The following KCNH7 variants were observed in gnomAD, a reference collection of about 807,000 sequenced individuals.
KCNH7 encodes voltage-gated inwardly rectifying potassium channel KCNH7.
A neutral mutation model predicts 120.8 loss-of-function variants in KCNH7; 49 were observed. The ratio of observed to expected loss-of-function variants is 0.41; its 90% CI spans 0.32 to 0.51. The LOEUF is 0.51. Among genes scored for constraint, KCNH7 ranks in the 20% least tolerant of loss-of-function variants. The pLI is 0.38. For missense variants in KCNH7, 1,097 were observed against 1,446.6 expected (o/e 0.76, Z 3.92); for synonymous variants, 547 against 516.1 (o/e 1.06, Z -0.81).
intron 13 of KCNH7, 85 bp downstream of exon 13, chr2:162,384,603 G>T: frequency 8.0e-7 from 1 of 1,246,756 alleles, no homozygotes; most frequent in Non-Finnish European, 1.1e-6. Context: ...ATTAACATGT[G>T]TCAGTACAGT....
chr2:162,691,431 G>C (rs1481285711), intron 2 of KCNH7, among the ~76,000 whole-genome samples: 1 of 152,140 alleles, frequency 6.6e-6, no homozygotes, highest in Non-Finnish European at 1.5e-5. Flanking sequence ...TGATCAAAGA[G>C]ACATTGTTCA....
chr2:162,504,704 A>G, intron 5 of KCNH7, 47 bp from the exon 6 acceptor site: 1 of 1,249,220 alleles, frequency 8.0e-7, no homozygotes. Context: ...GAAGATATAG[A>G]AGAAAGAGAC....
chr2:162,403,348 T>C (rs1009185537), intron 9 of KCNH7, among the ~76,000 whole-genome samples: 1 of 151,984 alleles, frequency 6.6e-6, no homozygotes, highest in African/African-American at 2.4e-5. Context: ...TCCTTGCATC[T>C]CGCTATAATT....
In KCNH7 at chr2:162,794,029, T is replaced by A. The variant is rs115289160; in HGVS notation, c.307+42508A>T. On this transcript the variant is annotated intron_variant, in intron 2 of 15. Transcript: ENST00000332142. ...CACAATGTATACATGTATCAATACA[T>A]CACATCTCACAACTTAAATATATAC... Among the ~76,000 whole-genome samples, 393 of 152,046 alleles carry A rather than the reference T, an allele frequency of 2.6e-3. 2 individuals carry two copies. The highest frequency in any genetic ancestry group is 9.2e-3 in the African/African-American group (381 of 41,514).
At chr2:162,450,364 T>C (rs938805821) in intron 6 of KCNH7, among the ~76,000 whole-genome samples, 2 of 152,080 alleles carry the variant, frequency 1.3e-5, no homozygotes, top group Non-Finnish European at 2.9e-5. Context: ...GACAATGCAT[T>C]TGTAGAAACT....
chr2:162,650,267 T>A (rs1005492038), intron 2 of KCNH7, among the ~76,000 whole-genome samples: 39 of 152,182 alleles, frequency 2.6e-4, no homozygotes, highest in African/African-American at 9.4e-4. Context: ...AGTTACCTCA[T>A]ATGTCAATAA....
intron 3 of KCNH7, chr2:162,527,893 A>G (rs143190765): frequency 6.6e-6 from 1 of 152,028 alleles, no homozygotes; most frequent in Admixed American, 6.6e-5. Context: ...CTAGCTAAAC[A>G]TTCATTAACC....
chr2:162,633,174 T>C (rs1683828065), intron 2 of KCNH7, among the ~76,000 whole-genome samples: 1 of 151,934 alleles, frequency 6.6e-6, no homozygotes, highest in Admixed American at 6.6e-5. Flanking sequence ...TTACTATGTT[T>C]TAGGTAACAC....
chr2:162,822,011 T>C (rs939817296), intron 2 of KCNH7, among the ~76,000 whole-genome samples: 17 of 151,320 alleles, frequency 1.1e-4, no homozygotes, highest in Non-Finnish European at 1.5e-4. Flanking sequence ...ATTTTCAATA[T>C]AGCCACACCT....
intron 2 of KCNH7, among the ~76,000 whole-genome samples, chr2:162,606,171 A>G (rs1682759491): frequency 6.6e-6 from 1 of 152,084 alleles, no homozygotes; most frequent in South Asian, 2.1e-4. Context: ...CTTAAATTCT[A>G]TTGTTAAGAA....
chr2:162,688,688 G>A (rs1470863036), intron 2 of KCNH7, among the ~76,000 whole-genome samples: 1 of 151,192 alleles, frequency 6.6e-6, no homozygotes, highest in African/African-American at 2.4e-5. Flanking sequence ...ATAATTCTCT[G>A]GTTCTGTGTT....
intron 2 of KCNH7, among the ~76,000 whole-genome samples, chr2:162,634,829 T>A (rs1445713413): frequency 3.3e-5 from 5 of 152,088 alleles, no homozygotes; most frequent in African/African-American, 1.2e-4. Flanking sequence ...TTCTTTACTT[T>A]GGGTTTCTTG....
intron 3 of KCNH7, among the ~76,000 whole-genome samples, chr2:162,534,943 G>T (rs754646695): frequency 5.0e-4 from 75 of 151,370 alleles, no homozygotes; most frequent in African/African-American, 1.8e-3. Context: ...ATGCAAGAAT[G>T]GTTCATATTA....
chr2:162,712,294 A>G (rs1574295318), intron 2 of KCNH7, among the ~76,000 whole-genome samples: 1 of 151,998 alleles, frequency 6.6e-6, no homozygotes, highest in Admixed American at 6.6e-5. Flanking sequence ...AGTTCTGAGC[A>G]CACCTGTTGG....
At chr2:162,513,487 TTCCTTCC>T (rs1691182822) in intron 4 of KCNH7, among the ~76,000 whole-genome samples, 1 of 140,034 alleles carries the variant, frequency 7.1e-6, no homozygotes, top group Non-Finnish European at 1.6e-5. Flanking sequence ...CCTTCCTTCC[TTCCTTCC>T]TTCCTTCCTT....
At chr2:162,429,812 A>T (rs562520077) in intron 8 of KCNH7, among the ~76,000 whole-genome samples, 80 of 151,442 alleles carry the variant, frequency 5.3e-4, no homozygotes, top group Non-Finnish European at 1.0e-3. Flanking sequence ...TATAGTTTTC[A>T]TTAATTTTGG....
intron 2 of KCNH7, among the ~76,000 whole-genome samples, chr2:162,739,449 C>A (rs1249945494): frequency 4.6e-5 from 7 of 152,260 alleles, no homozygotes; most frequent in African/African-American, 1.4e-4. Flanking sequence ...ATCACTGGGG[C>A]ACCATGTCTT....
At chr2:162,683,020 A>C (rs1256712515) in intron 2 of KCNH7, among the ~76,000 whole-genome samples, 1 of 151,890 alleles carries the variant, frequency 6.6e-6, no homozygotes, top group Non-Finnish European at 1.5e-5. Context: ...TGGATCAAAA[A>C]TAGGTAGAGA....
intron 7 of KCNH7, among the ~76,000 whole-genome samples, chr2:162,445,281 C>T (rs1343903686): frequency 2.0e-5 from 3 of 151,974 alleles, no homozygotes; most frequent in Non-Finnish European, 4.4e-5. Flanking sequence ...TCCAACATAT[C>T]GAGGATTTTT....
Sources: allele counts gnomAD v4.1 joint callset (sites outside exome capture counted in the v4.1 genomes callset), GRCh38; gene constraint gnomAD v4.1.1; transcripts MANE v1.5; gene names NCBI Gene and HGNC (gene_info 2026-07-23, HGNC 2026-07-21).